The following SELENOI variants were observed in gnomAD, a reference collection of about 807,000 sequenced individuals.
The protein encoded by SELENOI is selenoprotein I, also known as ethanolaminephosphotransferase 1.
A neutral mutation model predicts 50.7 loss-of-function variants in SELENOI; 24 were observed. The observed-to-expected ratio is 0.47, with a 90% confidence interval of 0.34 to 0.67. The LOEUF (loss-of-function observed/expected upper bound fraction) is 0.67, where lower values mean the gene tolerates loss of function less well. Among genes scored for constraint, SELENOI ranks in the 30% least tolerant of loss-of-function variants. The pLI, the probability that SELENOI is intolerant of heterozygous loss-of-function variation, is 0.01. For synonymous variants in SELENOI, 155 were observed against 170.2 expected (o/e 0.91, Z 0.70); for missense variants, 352 against 461.4 (o/e 0.76, Z 2.17).
intron 4 of SELENOI, among the ~76,000 whole-genome samples, chr2:26,370,807 C>A (rs1406831213): frequency 1.4e-5 from 2 of 138,094 alleles, no homozygotes; most frequent in Non-Finnish European, 3.2e-5. Context: ...ACCTCCCGGA[C>A]GGGGCGGCTG....
intron 1 of SELENOI, among the ~76,000 whole-genome samples, chr2:26,353,972 C>G (rs1204928047): frequency 6.6e-6 from 1 of 152,018 alleles, no homozygotes; most frequent in Non-Finnish European, 1.5e-5. Flanking sequence ...CTGGAAAGAC[C>G]CTGGTATGTT....
intron 6 of SELENOI, among the ~76,000 whole-genome samples, chr2:26,380,251 C>T (rs965789001): frequency 1.3e-5 from 2 of 152,158 alleles, no homozygotes; most frequent in African/African-American, 4.8e-5. Context: ...TCAGAGGTAA[C>T]CATTCTTAGT....
intron 6 of SELENOI, among the ~76,000 whole-genome samples, chr2:26,378,660 T>C (rs1677619972): frequency 6.6e-6 from 1 of 152,234 alleles, no homozygotes; most frequent in African/African-American, 2.4e-5. Flanking sequence ...CCCCAGTGTT[T>C]CAAGTGTAAA....
intron 1 of SELENOI, among the ~76,000 whole-genome samples, chr2:26,363,729 C>T (rs1677228809): frequency 6.6e-6 from 1 of 152,122 alleles, no homozygotes; most frequent in Admixed American, 6.5e-5. Flanking sequence ...ATTAGGACAT[C>T]ATAAAAATAG....
rs1405934778 is a variant in SELENOI, at chr2:26,386,451, G to A, written c.1010G>A (p.Gly337Glu). The change falls in exon 9 of 10, where the codon GGA becomes GAA. Residue 337 changes from glycine (G) to glutamate (E), a missense_variant. Transcript: ENST00000260585. The part of the protein sequence containing the change: ...LFLVVLVVNL[G>E]VASYVESILL... ...TTGGTTGTCTTAGTGGTAAACCTAG[G>A]AGTAGCCTCTTACGTTGAGAGCATT... 1 of 1,613,854 alleles carries A rather than the reference G, an allele frequency of 6.2e-7. No individual in the cohort carries two copies.
At chr2:26,349,213 C>T (rs1412513778) in intron 1 of SELENOI, among the ~76,000 whole-genome samples, 2 of 151,200 alleles carry the variant, frequency 1.3e-5, no homozygotes, top group Non-Finnish European at 2.9e-5. Context: ...TGCATTTCTC[C>T]ATGTTGGTCA....
At chr2:26,348,232 A>G (rs1478779680) in intron 1 of SELENOI, among the ~76,000 whole-genome samples, 2 of 152,230 alleles carry the variant, frequency 1.3e-5, no homozygotes, top group Non-Finnish European at 2.9e-5. Context: ...CGCTTTATAA[A>G]TGCTTATTTT....
intron 4 of SELENOI, among the ~76,000 whole-genome samples, chr2:26,371,175 C>T (rs959527494): frequency 3.3e-5 from 5 of 151,614 alleles, no homozygotes; most frequent in East Asian, 2.0e-4. Context: ...CACCTCCCTC[C>T]CGGACGGGGT....
At chr2:26,376,248 T>C (rs1677565289) in intron 6 of SELENOI, among the ~76,000 whole-genome samples, 1 of 152,204 alleles carries the variant, frequency 6.6e-6, no homozygotes, top group African/African-American at 2.4e-5. Context: ...CTTTTTTCTG[T>C]AGCTCTAGAC....
At position 26,389,530 on chromosome 2, in the gene SELENOI, G is replaced by A. The variant is rs1677917544; in HGVS notation, c.*427G>A. ...CGGGAGTAGCAGTAGTCCAAACCTA[G>A]TATAGGGAAAGGATAAAAATAAGTC... On this transcript the variant is annotated 3_prime_UTR_variant, in exon 10 of 10. Coordinates refer to ENST00000260585, the MANE Select transcript of SELENOI (RefSeq NM_033505.4). The A allele has an allele frequency of 6.5e-6, 1 of 154,716 alleles. No individual in the cohort carries two copies. The highest frequency in any genetic ancestry group is 2.4e-5 in the African/African-American group (1 of 41,440). The allele number at this position is 154,716 out of a possible 1,614,324, so 9.6% of individuals were successfully genotyped here.
chr2:26,362,503 G>A (rs1373069223), intron 1 of SELENOI, among the ~76,000 whole-genome samples: 1 of 151,878 alleles, frequency 6.6e-6, no homozygotes, highest in Non-Finnish European at 1.5e-5. Context: ...GCTCACGCCT[G>A]TAATCCCAGC....
chr2:26,384,823 G>T, intron 7 of SELENOI, 136 bp from the exon 8 acceptor site: 2 of 556,184 alleles, frequency 3.6e-6, no homozygotes, highest in Non-Finnish European at 5.8e-6. Context: ...GATTAATGAT[G>T]TTGGTTCTGT....
chr2:26,383,333 AT>A lies in SELENOI; in HGVS notation c.719del (p.Leu240Ter). On this transcript the variant is annotated frameshift_variant, in exon 7 of 10. Coordinates refer to ENST00000260585, the MANE Select transcript of SELENOI (RefSeq NM_033505.4). LOFTEE classifies it high-confidence loss of function. ...ALCVTLPMSL[L>X]NFFRSYKNNT... is the part of the protein sequence containing the mutation. ...TATGTGTGACTCTTCCAATGAGTTT[AT>A]TAAACTTTTTCAGGTAAGTATTTTA... 1 of 1,540,618 alleles carries A rather than the reference AT, an allele frequency of 6.5e-7. No homozygotes were observed.
At chr2:26,365,373 C>A (rs1677265863) in intron 3 of SELENOI, among the ~76,000 whole-genome samples, 1 of 151,814 alleles carries the variant, frequency 6.6e-6, no homozygotes, top group Non-Finnish European at 1.5e-5. Flanking sequence ...ATTGCTAAGT[C>A]TGGACCCTTA....
chr2:26,379,434 T>C (rs1305105725), intron 6 of SELENOI, among the ~76,000 whole-genome samples: 2 of 152,084 alleles, frequency 1.3e-5, no homozygotes, highest in Admixed American at 6.6e-5. Context: ...CCCTCACTTT[T>C]CCTATAAACA....
intron 1 of SELENOI, among the ~76,000 whole-genome samples, chr2:26,360,414 A>C (rs1677151593): frequency 6.6e-6 from 1 of 152,198 alleles, no homozygotes. Flanking sequence ...CAAACTTCTG[A>C]TCTCCTGAAG....
intron 1 of SELENOI, among the ~76,000 whole-genome samples, chr2:26,362,877 T>G (rs1213736422): frequency 6.6e-6 from 1 of 152,214 alleles, no homozygotes; most frequent in Non-Finnish European, 1.5e-5. Context: ...GGGTTTGAAC[T>G]AGGCTAATAT....
At chr2:26,373,222 G>T (rs1332183660) in intron 4 of SELENOI, 145 bp from the exon 5 acceptor site, 3 of 1,010,586 alleles carry the variant, frequency 3.0e-6, no homozygotes, top group Non-Finnish European at 4.3e-6. Context: ...TAAATAATTA[G>T]ATTTTTATAG....
chr2:26,355,304 A>C (rs370757845), intron 1 of SELENOI, among the ~76,000 whole-genome samples: 12 of 152,252 alleles, frequency 7.9e-5, no homozygotes, highest in African/African-American at 2.9e-4. Context: ...AAAGAGTAAT[A>C]AGGAGTCTGT....
Sources: gnomAD v4.1 joint callset for allele counts (sites outside exome capture counted in the v4.1 genomes callset) on GRCh38, gnomAD v4.1.1 for gene constraint, MANE v1.5 for transcripts, NCBI Gene and HGNC (gene_info 2026-07-23, HGNC 2026-07-21) for gene names.